Variants in AK8 observed in about 807,000 individuals in gnomAD.
AK8 encodes the protein adenylate kinase 8.
In AK8, 44 loss-of-function variants were observed where a neutral mutation model predicts 54.6. The observed-to-expected ratio is 0.81, with a 90% CI of 0.63 to 1.04. The LOEUF is 1.04. Among genes scored for constraint, AK8 ranks in the 50% least tolerant of loss-of-function variants. The pLI, the probability that AK8 is intolerant of heterozygous loss-of-function variation, is 0.00. For missense variants in AK8, 555 were observed against 613.6 expected (o/e 0.90, Z 1.01); for synonymous variants, 239 against 245.6 (o/e 0.97, Z 0.25).
At chr9:132,855,227 T>C (rs978679994) in intron 4 of AK8, among the ~76,000 whole-genome samples, 59 of 152,288 alleles carry the variant, frequency 3.9e-4, no homozygotes, top group Admixed American at 2.2e-3. Context: ...AGTGCCAGCC[T>C]GCAGGAAGCC....
At chr9:132,857,616 G>GT (rs1843225669) in intron 4 of AK8, among the ~76,000 whole-genome samples, 1 of 152,168 alleles carries the variant, frequency 6.6e-6, no homozygotes, top group Admixed American at 6.6e-5. Context: ...TTCTGGGGCT[G>GT]TTTTTCCCAG....
chr9:132,785,849 G>C (rs1222255352), intron 11 of AK8, among the ~76,000 whole-genome samples: 1 of 152,170 alleles, frequency 6.6e-6, no homozygotes, highest in Non-Finnish European at 1.5e-5. Context: ...GTAAAACTTA[G>C]GAACATGCAA....
chr9:132,878,451 C>T (rs554921044), upstream of AK8: 200 of 1,225,512 alleles, frequency 1.6e-4, 2 homozygotes, highest in South Asian at 7.4e-3. The surrounding 1 kb of genome is among the most constrained non-coding windows in gnomAD (Gnocchi z 4.7). Context: ...GTTCTTTCCC[C>T]AACCCCGGCC....
chr9:132,806,439 G>A (rs986716668), intron 10 of AK8, among the ~76,000 whole-genome samples: 1 of 152,116 alleles, frequency 6.6e-6, no homozygotes, highest in African/African-American at 2.4e-5. Flanking sequence ...AGAGTCATGC[G>A]CTGTCTTCAG....
intron 10 of AK8, among the ~76,000 whole-genome samples, chr9:132,801,067 G>A (rs1473973663): frequency 6.6e-6 from 1 of 152,112 alleles, no homozygotes; most frequent in Admixed American, 6.5e-5. Context: ...TGGGATTACA[G>A]AAGTGCGCCA....
At chr9:132,767,506 C>T (rs376269599) in intron 11 of AK8, among the ~76,000 whole-genome samples, 2 of 152,028 alleles carry the variant, frequency 1.3e-5, no homozygotes, top group African/African-American at 2.4e-5. Flanking sequence ...ACTTTGTTAG[C>T]GGGGCTGTAA....
At position 132,799,110 on chromosome 9, in the gene AK8, C is replaced by A. The variant is rs1456852263; in HGVS notation, c.980-6335G>T. Among the ~76,000 whole-genome samples the A allele has an allele frequency of 6.6e-6, 1 of 152,182 alleles. No homozygotes were observed. Among genetic ancestry groups the A allele is most frequent in the Non-Finnish European group, 1.5e-5 (1 of 68,036 alleles). On this transcript the variant is annotated intron_variant, in intron 10 of 12. Transcript: ENST00000298545. The surrounding 1 kb of genome is among the most constrained non-coding windows in gnomAD (Gnocchi z 5.0). Reference sequence around the variant, plus strand: ...TGAGTAGGGAAGGGCTCGGAGAGAGCACCCAGGCCAGCTTGCGGTTTTCCA... The same window carrying A: ...TGAGTAGGGAAGGGCTCGGAGAGAGAACCCAGGCCAGCTTGCGGTTTTCCA...
chr9:132,841,596 G>A (rs1174715236), intron 5 of AK8, among the ~76,000 whole-genome samples: 4 of 152,188 alleles, frequency 2.6e-5, no homozygotes, highest in Admixed American at 2.0e-4. Context: ...AGGTAGCCAG[G>A]AGCCTCTGCG....
chr9:132,736,738 T>C (rs1414068045), intron 11 of AK8, among the ~76,000 whole-genome samples: 1 of 147,802 alleles, frequency 6.8e-6, no homozygotes, highest in Non-Finnish European at 1.5e-5. Flanking sequence ...TGAGCAGAGG[T>C]TGCGCCACTG....
At chr9:132,765,393 A>G (rs1838685530) in intron 11 of AK8, among the ~76,000 whole-genome samples, 1 of 152,078 alleles carries the variant, frequency 6.6e-6, no homozygotes, top group Non-Finnish European at 1.5e-5. Context: ...AATGCAATAG[A>G]TCACACCAAC....
intron 9 of AK8, among the ~76,000 whole-genome samples, chr9:132,817,660 T>G (rs192299132): frequency 6.6e-6 from 1 of 152,028 alleles, no homozygotes; most frequent in Admixed American, 6.6e-5. Flanking sequence ...CAATAGGAAG[T>G]AGCCAAACTG....
chr9:132,790,102 A>T lies in AK8; in HGVS notation c.1121+2532T>A, dbSNP rs949943644. Among the ~76,000 whole-genome samples, 4 of 152,350 alleles carry T rather than the reference A, an allele frequency of 2.6e-5. No homozygotes were observed. Among genetic ancestry groups the T allele is most frequent in the Admixed American group, 2.6e-4 (4 of 15,310 alleles). ...TTCCATGAACGAACAATATGCCATGACCAAACCAGTTACTATAGGAACAAA... is the reference window on the plus strand; with the variant it reads ...TTCCATGAACGAACAATATGCCATGTCCAAACCAGTTACTATAGGAACAAA... On this transcript the variant is annotated intron_variant, in intron 11 of 12. Coordinates refer to ENST00000298545, the MANE Select transcript of AK8 (RefSeq NM_152572.3). This position sits in a 1 kb window ranked among gnomAD's most constrained non-coding sequence, Gnocchi z 4.1.
intron 11 of AK8, among the ~76,000 whole-genome samples, chr9:132,751,008 C>T (rs912529878): frequency 2.0e-5 from 3 of 151,906 alleles, no homozygotes; most frequent in Non-Finnish European, 2.9e-5. Flanking sequence ...TTAAGTGAAC[C>T]GACCCAAGGA....
At position 132,826,155 on chromosome 9, in the gene AK8, C is replaced by T. The variant is rs372105729; in HGVS notation, c.757+699G>A. Among the ~76,000 whole-genome samples the T allele has an allele frequency of 1.6e-4, 24 of 152,300 alleles. No individual in the cohort carries two copies. Among genetic ancestry groups the T allele is most frequent in the Middle Eastern group, 3.4e-3 (1 of 294 alleles). ...GAGAATCCCATTTAATCCTCACCTACGCCTGGGAGGAGGGCACAAGTTTTG... is the reference window on the plus strand; with the variant it reads ...GAGAATCCCATTTAATCCTCACCTATGCCTGGGAGGAGGGCACAAGTTTTG... On this transcript the variant is annotated intron_variant, in intron 8 of 12. Coordinates refer to ENST00000298545, the MANE Select transcript of AK8 (RefSeq NM_152572.3). This position sits in a 1 kb window ranked among gnomAD's most constrained non-coding sequence, Gnocchi z 4.5.
chr9:132,810,891 A>G (rs1840973438), intron 10 of AK8, among the ~76,000 whole-genome samples: 1 of 152,226 alleles, frequency 6.6e-6, no homozygotes, highest in Non-Finnish European at 1.5e-5. Flanking sequence ...AAGAAAAATT[A>G]ATGGAAAAAC....
intron 2 of AK8, among the ~76,000 whole-genome samples, chr9:132,873,756 C>A (rs1843962363): frequency 6.6e-6 from 1 of 152,130 alleles, no homozygotes; most frequent in African/African-American, 2.4e-5. Context: ...AATGCAGGAA[C>A]TACCTCCACT....
rs144951348 is a variant in AK8 at position 132,817,203 on chromosome 9, C to G, written c.890-2476G>C. ...CTAGAGTAAGAACACTCTACTCCCA[C>G]TTAACAAAGCCTGAAAATAAGCTTC... On this transcript the variant is annotated intron_variant, in intron 9 of 12. Transcript: ENST00000298545. Among the ~76,000 whole-genome samples the G allele has an allele frequency of 4.6e-5, 7 of 152,336 alleles. No homozygotes were observed. In the East Asian group the frequency reaches 1.3e-3, roughly 29 times the overall value.
At chr9:132,824,906 C>T (rs1841809212) in intron 8 of AK8, among the ~76,000 whole-genome samples, 1 of 152,210 alleles carries the variant, frequency 6.6e-6, no homozygotes, top group East Asian at 1.9e-4. Context: ...TTTGGCCCAA[C>T]AATCCCATGA....
At position 132,878,169 on chromosome 9, in the gene AK8, C is replaced by T. The variant is rs1844232078; in HGVS notation, c.84+3G>A. The T allele has an allele frequency of 6.6e-7, 1 of 1,505,504 alleles. No homozygotes were observed. Among genetic ancestry groups the T allele is most frequent in the African/African-American group, 1.4e-5 (1 of 69,964 alleles). The allele number at this position is 1,505,504 out of a possible 1,614,324, so 93.3% of individuals were successfully genotyped here. ...GTCGCGACGGGCAGGGGTGTCCGGTCACCTGCATCAACTCGAAGATGTGGT... is the reference window on the plus strand; with the variant it reads ...GTCGCGACGGGCAGGGGTGTCCGGTTACCTGCATCAACTCGAAGATGTGGT... On this transcript the variant is annotated splice_donor_region_variant and intron_variant, in intron 1 of 12. Transcript: ENST00000298545. The surrounding 1 kb of genome is among the most constrained non-coding windows in gnomAD (Gnocchi z 4.7).
Sources: allele counts gnomAD v4.1 joint callset (sites outside exome capture counted in the v4.1 genomes callset), GRCh38; gene constraint gnomAD v4.1.1; non-coding constraint Gnocchi (gnomAD v3.1); transcripts MANE v1.5; gene names NCBI Gene and HGNC (gene_info 2026-07-23, HGNC 2026-07-21).